The following TAB2 variants were observed in gnomAD, a reference collection of about 807,000 sequenced individuals.
The protein encoded by TAB2 is TGF-beta-activated kinase 1 and MAP3K7-binding protein 2.
A neutral mutation model predicts 65.0 loss-of-function variants in TAB2; 3 were observed. The observed-to-expected ratio is 0.05, with a 90% confidence interval of 0.02 to 0.12. The LOEUF (loss-of-function observed/expected upper bound fraction) is 0.12. Ranked by LOEUF, TAB2 falls within the 10% of genes least tolerant of loss-of-function variation. TAB2 has a pLI of 1.00. For synonymous variants in TAB2, 298 were observed against 285.1 expected, an observed-to-expected ratio of 1.05 and a Z score of -0.46; for missense variants, 623 against 840.3, an observed-to-expected ratio of 0.74 and a Z score of 3.20.
At chr6:149,341,485 G>A (rs1236715016) in intron 1 of TAB2, among the ~76,000 whole-genome samples, 2 of 152,282 alleles carry the variant, frequency 1.3e-5, no homozygotes, top group South Asian at 4.1e-4. Context: ...GCCTATATGT[G>A]CCACACTGTT....
chr6:149,380,980 C>T (rs1051165033), intron 3 of TAB2, among the ~76,000 whole-genome samples: 3 of 152,168 alleles, frequency 2.0e-5, no homozygotes, highest in East Asian at 1.9e-4. Context: ...CAGTGGCACC[C>T]GCCTGTAGTC....
chr6:149,238,809 G>T (rs1300722941), intron 1 of TAB2, among the ~76,000 whole-genome samples: 1 of 152,168 alleles, frequency 6.6e-6, no homozygotes, highest in Non-Finnish European at 1.5e-5. Context: ...TAGGCTATGT[G>T]AGCACAGCCG....
Position 149,348,507 on chromosome 6 carries a change from G to A in TAB2, c.-89-21402G>A, listed in dbSNP as rs557196240. 6.6e-5 allele frequency among the ~76,000 whole-genome samples: 10 copies of A among 152,064 alleles called. No individual in the cohort carries two copies. The South Asian group carries it at 1.5e-3, about 22-fold the overall frequency. ...TCGAAACGTTCTGCCGTCCTATTTG[G>A]CATCCTGGAGAGGTTAATGTTAATA... On this transcript the variant is annotated intron_variant, in intron 1 of 6. Coordinates refer to ENST00000637181, the MANE Select transcript of TAB2 (RefSeq NM_001292034.3).
rs5880834 is a variant in TAB2, at chr6:149,342,046, T to TA, written c.-90+24044dup. On this transcript the variant is annotated intron_variant, in intron 1 of 6. Transcript: ENST00000637181. ...TGTTTTATATGGCCCTAACAAAAAT[T>TA]AAAAAAAAAAAAATCATTGAATCTA... Among the ~76,000 whole-genome samples, 218 of 148,628 alleles carry TA rather than the reference T, an allele frequency of 1.5e-3. 1 individual carries two copies. Among genetic ancestry groups the TA allele is most frequent in the Middle Eastern group, 3.4e-3 (1 of 292 alleles).
At chr6:149,390,284 G>T (rs1227915163) in intron 3 of TAB2, among the ~76,000 whole-genome samples, 2 of 152,046 alleles carry the variant, frequency 1.3e-5, no homozygotes, top group African/African-American at 4.8e-5. Flanking sequence ...ATGTAAAATT[G>T]TCATTACAGA....
At chr6:149,380,029 C>A in intron 3 of TAB2, 1 of 438,824 alleles carries the variant, frequency 2.3e-6, no homozygotes, top group East Asian at 7.4e-5. Flanking sequence ...CATTTGAGCC[C>A]AGGAGTTTGA....
At position 149,376,884 on chromosome 6, in the gene TAB2, G is replaced by GT. The variant is rs1340593976; in HGVS notation, c.103-1132dup. ...GAGAATTCTTTAAAAACAATCTGAG[G>GT]TTCCCCCCCCCCACTCTGGAGTAGA... On this transcript the variant is annotated intron_variant, in intron 2 of 6. Transcript: ENST00000637181. 1.4e-4 allele frequency among the ~76,000 whole-genome samples: 19 copies of GT among 135,930 alleles called. No homozygotes were observed. The East Asian group carries it at 1.8e-3, about 13-fold the overall frequency. The allele number at this position is 135,930 out of a possible 152,430, so 89.2% of individuals were successfully genotyped here.
At chr6:149,409,220 T>G (rs991690080) in intron 6 of TAB2, among the ~76,000 whole-genome samples, 7 of 152,224 alleles carry the variant, frequency 4.6e-5, no homozygotes, top group Non-Finnish European at 1.0e-4. Flanking sequence ...GAGACTTATG[T>G]ACACTGACAG....
chr6:149,397,364 C>A (rs146693605), intron 3 of TAB2, among the ~76,000 whole-genome samples: 1 of 151,924 alleles, frequency 6.6e-6, no homozygotes, highest in African/African-American at 2.4e-5. Flanking sequence ...TCACTTGAAC[C>A]CAGGAGGCAG....
rs1296388327 is a variant in TAB2, at chr6:149,409,825, G to A, written c.*106G>A. 1.5e-6 allele frequency: 2 copies of A among 1,319,034 alleles called. No homozygotes were observed. Among genetic ancestry groups the A allele is most frequent in the African/African-American group, 2.9e-5 (2 of 69,110 alleles). The allele number at this position is 1,319,034 out of a possible 1,614,324, so 81.7% of individuals were successfully genotyped here. ...TACATAGGATTTTGTCAAATTGAAG[G>A]TGTGACAAGATGGTGTTCTGCTAAT... On this transcript the variant is annotated 3_prime_UTR_variant, in exon 7 of 7. Coordinates refer to ENST00000637181, the MANE Select transcript of TAB2 (RefSeq NM_001292034.3).
At chr6:149,357,489 AGTAAT>A in intron 1 of TAB2, among the ~76,000 whole-genome samples, 1 of 142,436 alleles carries the variant, frequency 7.0e-6, no homozygotes, top group East Asian at 2.0e-4. Context: ...ATGGATATAA[AGTAAT>A]AGTAAAGACT....
chr6:149,329,257 T>C (rs192726583), intron 1 of TAB2, among the ~76,000 whole-genome samples: 2 of 152,310 alleles, frequency 1.3e-5, no homozygotes, highest in Admixed American at 1.3e-4. Flanking sequence ...GGCATATAAG[T>C]ATCTATTTGA....
intron 3 of TAB2, among the ~76,000 whole-genome samples, chr6:149,390,483 C>CATA (rs1781947473): frequency 6.6e-6 from 1 of 152,098 alleles, no homozygotes; most frequent in South Asian, 2.1e-4. Context: ...AGAAATTTGA[C>CATA]ATTATTTACA....
chr6:149,336,213 C>T (rs1779930903), intron 1 of TAB2, among the ~76,000 whole-genome samples: 1 of 152,118 alleles, frequency 6.6e-6, no homozygotes, highest in Non-Finnish European at 1.5e-5. Context: ...CTTTAGTGCT[C>T]CTTCCTTGAT....
At chr6:149,394,773 G>C (rs769096394) in intron 3 of TAB2, among the ~76,000 whole-genome samples, 16 of 152,158 alleles carry the variant, frequency 1.1e-4, no homozygotes, top group Non-Finnish European at 2.2e-4. Context: ...TTTTGAACCT[G>C]TCTGTGCTAT....
intron 1 of TAB2, among the ~76,000 whole-genome samples, chr6:149,235,935 T>C (rs1386279566): frequency 1.3e-5 from 2 of 152,186 alleles, no homozygotes; most frequent in African/African-American, 2.4e-5. Context: ...GAAAGCAGTT[T>C]ATTCCCCAAA....
chr6:149,292,203 A>T (rs1778790972), intron 1 of TAB2, among the ~76,000 whole-genome samples: 1 of 152,210 alleles, frequency 6.6e-6, no homozygotes, highest in South Asian at 2.1e-4. Flanking sequence ...GATTCACTAG[A>T]CAGAGGCATA....
intron 1 of TAB2, among the ~76,000 whole-genome samples, chr6:149,368,711 A>C (rs1018373500): frequency 6.6e-6 from 1 of 151,582 alleles, no homozygotes; most frequent in Admixed American, 6.6e-5. Flanking sequence ...AAAATCTACA[A>C]TGCAAATAAC....
In TAB2 at chr6:149,407,113, A is replaced by C. The variant is rs1782690988; in HGVS notation, c.1940-2464A>C. Among the ~76,000 whole-genome samples the C allele has an allele frequency of 2.0e-5, 3 of 152,334 alleles. No homozygotes were observed. In the South Asian group the frequency reaches 6.2e-4, roughly 32 times the overall value. On this transcript the variant is annotated intron_variant, in intron 6 of 6. Coordinates refer to ENST00000637181, the MANE Select transcript of TAB2 (RefSeq NM_001292034.3). Reference sequence around the variant, plus strand: ...GGAATACAATGAAAAGTTATTACAGAGGATGAGAGTGAGATTAGGGCATTT... The same window carrying C: ...GGAATACAATGAAAAGTTATTACAGCGGATGAGAGTGAGATTAGGGCATTT...
Sources: allele counts gnomAD v4.1 joint callset (sites outside exome capture counted in the v4.1 genomes callset), GRCh38; gene constraint gnomAD v4.1.1; transcripts MANE v1.5; gene names NCBI Gene and HGNC (gene_info 2026-07-23, HGNC 2026-07-21).